The following DNAI4 variants were observed in gnomAD, a reference collection of about 807,000 sequenced individuals.
The protein encoded by DNAI4 is dynein axonemal intermediate chain 4, also known as WD repeat domain 78.
A neutral mutation model predicts 105.8 loss-of-function variants in DNAI4; 85 were observed. The observed-to-expected ratio is 0.80, with a 90% CI of 0.67 to 0.96. The LOEUF (loss-of-function observed/expected upper bound fraction) is 0.96, where lower values mean the gene tolerates loss of function less well. Among genes scored for constraint, DNAI4 ranks in the 40% least tolerant of loss-of-function variants. The pLI, the probability that DNAI4 is intolerant of heterozygous loss-of-function variation, is 0.00. For missense variants in DNAI4, 1,014 were observed against 1,005.6 expected (o/e 1.01, Z -0.11); for synonymous variants, 352 against 331.5 (o/e 1.06, Z -0.67).
chr1:66,862,148 T>C lies in DNAI4; in HGVS notation c.1095A>G (p.Lys365=), dbSNP rs760419630. 2 of 1,555,638 alleles carry C rather than the reference T, an allele frequency of 1.3e-6. No homozygotes were observed. Among genetic ancestry groups the C allele is most frequent in the Non-Finnish European group, 1.7e-6 (2 of 1,159,432 alleles). The stretch of plus-strand genomic sequence containing the variant: ...AAACTAAAATAAATGAAATCTTACT[T>C]TTTTCTGTAGTGCTCCCTGGCAATC... The part of the protein sequence containing the change: ...DQRLPGSTTE[K]NSETSSLMDI... The change falls in exon 7 of 17, where the codon AAA becomes AAG. Residue 365 remains lysine (K), a splice_region_variant and synonymous_variant. Coordinates refer to ENST00000371026, the MANE Select transcript of DNAI4 (RefSeq NM_024763.5).
At chr1:66,882,786 T>C (rs1255904120) in intron 4 of DNAI4, among the ~76,000 whole-genome samples, 2 of 152,104 alleles carry the variant, frequency 1.3e-5, no homozygotes, top group African/African-American at 4.8e-5. Flanking sequence ...TCCTCTGTTC[T>C]TCAATATAAA....
intron 15 of DNAI4, among the ~76,000 whole-genome samples, chr1:66,824,700 GCT>G (rs1334709357): frequency 6.6e-6 from 1 of 151,914 alleles, no homozygotes; most frequent in Non-Finnish European, 1.5e-5. Flanking sequence ...TCATGATTTG[GCT>G]CTCTGTTTGT....
intron 2 of DNAI4, among the ~76,000 whole-genome samples, chr1:66,896,282 C>T (rs1288995027): frequency 3.3e-5 from 5 of 151,852 alleles, no homozygotes; most frequent in Non-Finnish European, 7.4e-5. Flanking sequence ...TACATTTTAC[C>T]TAAATTTTCA....
At chr1:66,837,272 G>A (rs1646044786) in intron 10 of DNAI4, among the ~76,000 whole-genome samples, 1 of 147,000 alleles carries the variant, frequency 6.8e-6, no homozygotes, top group Non-Finnish European at 1.5e-5. Flanking sequence ...GCTGAGGCAG[G>A]AGAATCACTT....
Position 66,862,143 on chromosome 1 carries a change from T to A in DNAI4, c.1096+4A>T, listed in dbSNP as rs1470535636. ...CAAAAAAACTAAAATAAATGAAATC[T>A]TACTTTTTTCTGTAGTGCTCCCTGG... On this transcript the variant is annotated splice_donor_region_variant and intron_variant, in intron 7 of 16. Transcript: ENST00000371026. 3.2e-6 allele frequency: 5 copies of A among 1,556,986 alleles called. No individual in the cohort carries two copies. Among genetic ancestry groups the A allele is most frequent in the Non-Finnish European group, 4.3e-6 (5 of 1,159,804 alleles).
chr1:66,920,716 A>G (rs917449634), intron 1 of DNAI4, among the ~76,000 whole-genome samples: 4 of 152,166 alleles, frequency 2.6e-5, no homozygotes, highest in Non-Finnish European at 5.9e-5. Context: ...AGGAGTCACT[A>G]TCCTGCTTCA....
intron 4 of DNAI4, among the ~76,000 whole-genome samples, chr1:66,886,750 T>G (rs1647214288): frequency 6.6e-6 from 1 of 152,180 alleles, no homozygotes; most frequent in Non-Finnish European, 1.5e-5. Context: ...GTATATCTAT[T>G]CCTACTTCAA....
At chr1:66,827,708 C>T in intron 14 of DNAI4, 104 bp downstream of exon 14, 1 of 550,008 alleles carries the variant, frequency 1.8e-6, no homozygotes, top group Non-Finnish European at 3.0e-6. Flanking sequence ...GTATTTTTAA[C>T]TCTGAAGTTG....
At chr1:66,840,359 C>T (rs1364347761) in intron 9 of DNAI4, 110 bp downstream of exon 9, 2 of 1,018,986 alleles carry the variant, frequency 2.0e-6, no homozygotes, top group African/African-American at 3.2e-5. Context: ...AAGTTATGGT[C>T]AATTTAAATT....
intron 9 of DNAI4, among the ~76,000 whole-genome samples, chr1:66,838,499 A>G (rs1172363312): frequency 6.6e-6 from 1 of 152,348 alleles, no homozygotes; most frequent in East Asian, 1.9e-4. Flanking sequence ...TAAGACACCC[A>G]GTCTATAATA....
Position 66,890,746 on chromosome 1 carries a change from GGAA to G in DNAI4, c.643+405_643+407del. On this transcript the variant is annotated intron_variant, in intron 4 of 16. Transcript: ENST00000371026. The surrounding 1 kb of genome is among the most constrained non-coding windows in gnomAD (Gnocchi z 4.1). ...AGGAGGGAGAGGAAGAGGGGGAGAA[GGAA>G]GAGGAGGAGGAGGAAGAGGAAGAAG... 8.4e-6 allele frequency: 2 copies of G among 236,906 alleles called. No individual in the cohort carries two copies. The highest frequency in any genetic ancestry group is 8.1e-6 in the Non-Finnish European group (1 of 122,886). 14.7% of individuals were successfully genotyped at this position (236,906 alleles called of 1,614,324 possible).
chr1:66,821,091 C>CTTTT lies in DNAI4; in HGVS notation c.2496+1266_2496+1269dup, dbSNP rs55811909. 6.3e-3 allele frequency among the ~76,000 whole-genome samples: 505 copies of CTTTT among 80,318 alleles called. 5 individuals are homozygous for CTTTT. Among genetic ancestry groups the CTTTT allele is most frequent in the Middle Eastern group, 0.016 (2 of 128 alleles). 52.7% of individuals were successfully genotyped at this position (80,318 alleles called of 152,430 possible). On this transcript the variant is annotated intron_variant, in intron 16 of 16. Coordinates refer to ENST00000371026, the MANE Select transcript of DNAI4 (RefSeq NM_024763.5). ...GAATCAATATTCTCTAAACATTTCT[C>CTTTT]TTTTTTTTTTTTTTTTTTTTTTTTT...
At chr1:66,833,475 A>T in intron 13 of DNAI4, 110 bp downstream of exon 13, 1 of 1,247,046 alleles carries the variant, frequency 8.0e-7, no homozygotes, top group Non-Finnish European at 1.1e-6. Flanking sequence ...CTAATATATT[A>T]GGCACAGTAT....
At chr1:66,842,881 A>G (rs114126415) in intron 8 of DNAI4, among the ~76,000 whole-genome samples, 2,618 of 151,988 alleles carry the variant, frequency 0.017, 34 homozygotes, top group Non-Finnish European at 0.026. Flanking sequence ...TTGTTGTTTT[A>G]ATTTGCAATT....
intron 4 of DNAI4, among the ~76,000 whole-genome samples, chr1:66,882,524 C>CTCTCTCT (rs556122211): frequency 1.3e-5 from 2 of 150,800 alleles, no homozygotes; most frequent in Admixed American, 6.6e-5. Flanking sequence ...CTCTCTCTCT[C>CTCTCTCT]TTTTTTTTTG....
intron 3 of DNAI4, among the ~76,000 whole-genome samples, chr1:66,892,948 G>GAA (rs1190913970): frequency 3.9e-4 from 26 of 65,994 alleles, no homozygotes; most frequent in African/African-American, 6.5e-4. Flanking sequence ...AGAGAAGAAA[G>GAA]AGAAGAAAGA....
intron 7 of DNAI4, chr1:66,848,099 A>G: frequency 4.9e-6 from 2 of 412,308 alleles, no homozygotes; most frequent in South Asian, 1.8e-5. Flanking sequence ...CTTACAGTTC[A>G]GTAGATTAGA....
intron 7 of DNAI4, among the ~76,000 whole-genome samples, chr1:66,851,782 G>A (rs1646401673): frequency 6.6e-6 from 1 of 151,914 alleles, no homozygotes; most frequent in African/African-American, 2.4e-5. Flanking sequence ...AGATAAAGCA[G>A]CACTGAGAGG....
intron 9 of DNAI4, 48 bp downstream of exon 9, chr1:66,840,421 T>C: frequency 6.5e-7 from 1 of 1,530,292 alleles, no homozygotes; most frequent in Non-Finnish European, 9.0e-7. Flanking sequence ...ACTTGATAAT[T>C]TCCCTTCAAT....
Sources: allele counts gnomAD v4.1 joint callset (sites outside exome capture counted in the v4.1 genomes callset), GRCh38; gene constraint gnomAD v4.1.1; non-coding constraint Gnocchi (gnomAD v3.1); transcripts MANE v1.5; gene names NCBI Gene and HGNC (gene_info 2026-07-23, HGNC 2026-07-21).